The following UBXN2A variants were observed in gnomAD, a reference collection of about 807,000 sequenced individuals.
The protein encoded by UBXN2A is UBX domain-containing protein 2A.
A neutral mutation model predicts 28.4 loss-of-function variants in UBXN2A; 28 were observed. The ratio of observed to expected loss-of-function variants is 0.99; its 90% confidence interval spans 0.73 to 1.35. The LOEUF (loss-of-function observed/expected upper bound fraction) is 1.35. Ranked by LOEUF, UBXN2A falls within the 40% of genes most tolerant of loss-of-function variation. The pLI is 0.00. For missense variants in UBXN2A, 253 were observed against 297.9 expected (o/e 0.85, Z 1.11); for synonymous variants, 97 against 103.6 (o/e 0.94, Z 0.39).
At chr2:23,927,832 C>T (rs1705136840) in intron 1 of UBXN2A, among the ~76,000 whole-genome samples, 1 of 152,084 alleles carries the variant, frequency 6.6e-6, no homozygotes, top group South Asian at 2.1e-4. Context: ...AAAGCATTTG[C>T]AATTTAACTT....
At chr2:23,947,392 G>C (rs963217720) in intron 1 of UBXN2A, among the ~76,000 whole-genome samples, 1 of 152,144 alleles carries the variant, frequency 6.6e-6, no homozygotes, top group Non-Finnish European at 1.5e-5. Flanking sequence ...GTGATAGTTG[G>C]AAGTAGACCG....
intron 1 of UBXN2A, among the ~76,000 whole-genome samples, chr2:23,933,365 G>A (rs1705432305): frequency 6.6e-6 from 1 of 152,054 alleles, no homozygotes; most frequent in African/African-American, 2.4e-5. Context: ...AATTAGCTGG[G>A]CCTGGTGGTG....
intron 4 of UBXN2A, among the ~76,000 whole-genome samples, chr2:23,981,257 C>G (rs542528020): frequency 6.9e-6 from 1 of 145,752 alleles, no homozygotes; most frequent in Admixed American, 7.1e-5. Context: ...TCATTTGATC[C>G]CAGGAATTAA....
intron 6 of UBXN2A, among the ~76,000 whole-genome samples, chr2:23,998,891 A>G (rs1302269019): frequency 6.6e-6 from 1 of 151,992 alleles, no homozygotes; most frequent in Admixed American, 6.6e-5. Context: ...CCACACTCCA[A>G]TCCTTCCACC....
intron 1 of UBXN2A, among the ~76,000 whole-genome samples, chr2:23,956,831 G>A (rs1573552502): frequency 6.6e-6 from 1 of 152,130 alleles, no homozygotes; most frequent in Non-Finnish European, 1.5e-5. Context: ...ATTGCTTCTG[G>A]TATGTCATTG....
At chr2:23,996,973 G>C (rs1204319834) in intron 6 of UBXN2A, 2 of 151,996 alleles carry the variant, frequency 1.3e-5, no homozygotes, top group South Asian at 2.1e-4. Context: ...AAGTTACTGC[G>C]AGCACCTGAT....
Position 24,004,305 on chromosome 2 carries a change from A to G in UBXN2A, c.*4438A>G, listed in dbSNP as rs1343503860. ...TGGGGCATACAATTTGACCTAAGCAATTGTTTCAAAACTGTCTTCAGTTTC... is the reference window on the plus strand; with the variant it reads ...TGGGGCATACAATTTGACCTAAGCAGTTGTTTCAAAACTGTCTTCAGTTTC... On this transcript the variant is annotated 3_prime_UTR_variant, in exon 7 of 7. Transcript: ENST00000309033. 1.3e-5 allele frequency: 2 copies of G among 152,234 alleles called. No homozygotes were observed. The highest frequency in any genetic ancestry group is 6.5e-5 in the Admixed American group (1 of 15,284). The allele number at this position is 152,234 out of a possible 1,614,324, so 9.4% of individuals were successfully genotyped here. A position where few individuals can be genotyped will look rare whatever the true frequency, so the allele number is the denominator to read the frequency against.
At chr2:23,960,910 C>T (rs1043977014) in intron 2 of UBXN2A, among the ~76,000 whole-genome samples, 1 of 152,140 alleles carries the variant, frequency 6.6e-6, no homozygotes, top group Non-Finnish European at 1.5e-5. Context: ...TCTGGGATTA[C>T]AGGTGTGAGC....
chr2:23,977,808 GA>G (rs67852603), intron 4 of UBXN2A, among the ~76,000 whole-genome samples: 1,895 of 152,144 alleles, frequency 0.012, 37 homozygotes, highest in African/African-American at 0.043. Context: ...TTTATAAGAT[GA>G]ATTTTCTTAA....
At chr2:23,983,330 A>T in intron 5 of UBXN2A, among the ~76,000 whole-genome samples, 1 of 151,936 alleles carries the variant, frequency 6.6e-6, no homozygotes, top group Non-Finnish European at 1.5e-5. Context: ...ACATGGAGAA[A>T]CCCCGTCTCT....
chr2:23,938,257 G>A (rs1222959347), upstream of UBXN2A, among the ~76,000 whole-genome samples: 1 of 152,048 alleles, frequency 6.6e-6, no homozygotes, highest in Non-Finnish European at 1.5e-5. Flanking sequence ...TCTAAGGTCG[G>A]GAGTTCAAGA....
intron 1 of UBXN2A, among the ~76,000 whole-genome samples, chr2:23,950,242 G>A (rs959120512): frequency 2.0e-5 from 3 of 152,104 alleles, no homozygotes; most frequent in African/African-American, 7.2e-5. Context: ...TCTTTATGGT[G>A]GAAATGGATC....
At chr2:23,955,397 T>C (rs1706573226) in intron 1 of UBXN2A, among the ~76,000 whole-genome samples, 3 of 152,226 alleles carry the variant, frequency 2.0e-5, no homozygotes, top group Non-Finnish European at 4.4e-5. Flanking sequence ...CTACCTGTTC[T>C]TCCATTTTGC....
intron 1 of UBXN2A, among the ~76,000 whole-genome samples, chr2:23,929,355 T>C (rs939893332): frequency 4.6e-5 from 7 of 151,536 alleles, no homozygotes; most frequent in Admixed American, 1.3e-4. Context: ...TGAGCCAAGT[T>C]CATGCCATTG....
At chr2:23,943,647 C>T (rs530043318) in intron 1 of UBXN2A, among the ~76,000 whole-genome samples, 14 of 152,018 alleles carry the variant, frequency 9.2e-5, no homozygotes, top group Non-Finnish European at 1.6e-4. Context: ...ACCACCACAC[C>T]CAGCTAATTT....
chr2:23,961,092 T>TTTTTTG (rs144526019), intron 2 of UBXN2A, among the ~76,000 whole-genome samples: 28,090 of 151,648 alleles, frequency 0.19, 2,671 homozygotes, highest in Middle Eastern at 0.26. Context: ...ACTTTGAATT[T>TTTTTTG]TTTTTGTTTT....
At chr2:23,933,204 C>T (rs1269265690) in intron 1 of UBXN2A, among the ~76,000 whole-genome samples, 1 of 147,890 alleles carries the variant, frequency 6.8e-6, no homozygotes, top group African/African-American at 2.5e-5. Flanking sequence ...TGAAATAGAT[C>T]TAATAAAAAT....
At chr2:23,940,292 C>A (rs574808123), upstream of UBXN2A, 1 of 152,112 alleles carries the variant, frequency 6.6e-6, no homozygotes, top group East Asian at 1.9e-4. Flanking sequence ...GCCTGCATCT[C>A]CCCTACCCAT....
chr2:23,943,867 C>G, intron 1 of UBXN2A: 1 of 382,124 alleles, frequency 2.6e-6, no homozygotes, highest in Non-Finnish European at 5.2e-6. Flanking sequence ...CTTGCTGAGA[C>G]ATGTTGGAGT....
Sources: gnomAD v4.1 joint callset for allele counts (sites outside exome capture counted in the v4.1 genomes callset) on GRCh38, gnomAD v4.1.1 for gene constraint, MANE v1.5 for transcripts, NCBI Gene and HGNC (gene_info 2026-07-23, HGNC 2026-07-21) for gene names.